The following SDHB variants were observed in gnomAD, a reference collection of about 807,000 sequenced individuals.
The protein encoded by SDHB is succinate dehydrogenase [ubiquinone] iron-sulfur subunit, mitochondrial.
In SDHB, 21 loss-of-function variants were observed where a neutral mutation model predicts 39.7. The observed-to-expected ratio is 0.53, with a 90% CI of 0.37 to 0.76. SDHB has a LOEUF of 0.76. SDHB is among the 30% of genes least tolerant of loss of function. SDHB has a pLI of 0.00. For missense variants in SDHB, 343 were observed against 350.9 expected (o/e 0.98, Z 0.18); for synonymous variants, 118 against 117.0 (o/e 1.01, Z -0.06).
chr1:17,018,771 A>G lies in SDHB; in HGVS notation c.*110T>C, dbSNP rs201950006. 3.1e-5 allele frequency: 23 copies of G among 747,328 alleles called. No homozygotes were observed. The highest frequency in any genetic ancestry group is 5.4e-5 in the Non-Finnish European group (23 of 429,312). 46.3% of individuals were successfully genotyped at this position (747,328 alleles called of 1,614,324 possible). A position where few individuals can be genotyped will look rare whatever the true frequency, so the allele number is the denominator to read the frequency against. On this transcript the variant is annotated 3_prime_UTR_variant, in exon 8 of 8. Transcript: ENST00000375499. ...ATAACATTTATTTCTTAAAATTTTT[A>G]TTATACATGCTGTATTCATGGAAAA...
intron 2 of SDHB, among the ~76,000 whole-genome samples, chr1:17,034,449 C>T (rs1446415366): frequency 1.3e-5 from 2 of 152,066 alleles, no homozygotes; most frequent in Non-Finnish European, 2.9e-5. Flanking sequence ...GGTGCGATCT[C>T]GGCTCACTGC....
chr1:17,046,928 G>A (rs961484659), intron 1 of SDHB, among the ~76,000 whole-genome samples: 4 of 152,114 alleles, frequency 2.6e-5, no homozygotes, highest in Non-Finnish European at 4.4e-5. Flanking sequence ...TGTTGGTCAG[G>A]GTAGTCTCAA....
chr1:17,034,044 T>C (rs2078036660), intron 2 of SDHB, among the ~76,000 whole-genome samples: 1 of 152,232 alleles, frequency 6.6e-6, no homozygotes, highest in African/African-American at 2.4e-5. Flanking sequence ...CAAATCTATT[T>C]TCTGGTTGCC....
chr1:17,019,240 C>T (rs1038354235), intron 7 of SDHB, among the ~76,000 whole-genome samples: 58 of 152,186 alleles, frequency 3.8e-4, no homozygotes, highest in African/African-American at 1.3e-3. Flanking sequence ...CAGAGGTGCA[C>T]TCTCTGACTG....
intron 5 of SDHB, 109 bp from the exon 6 acceptor site, chr1:17,024,183 T>C (rs919018076): frequency 3.3e-5 from 25 of 755,820 alleles, no homozygotes; most frequent in Non-Finnish European, 5.1e-5. Context: ...AAGTGCCTAC[T>C]TGCATGTGAA....
At chr1:17,026,662 C>T (rs767339094) in intron 5 of SDHB, among the ~76,000 whole-genome samples, 3 of 152,102 alleles carry the variant, frequency 2.0e-5, no homozygotes, top group Non-Finnish European at 4.4e-5. Context: ...TGCACCTGGC[C>T]GGACTCCCCT....
chr1:17,036,592 G>A (rs956546771), intron 2 of SDHB, among the ~76,000 whole-genome samples: 1 of 151,070 alleles, frequency 6.6e-6, no homozygotes, highest in African/African-American at 2.4e-5. Flanking sequence ...TTTTAGGATT[G>A]TTCATTGCTA....
rs200305451 is a variant in SDHB at position 17,033,044 on chromosome 1, G to A, written c.286+16C>T. ...GACCACAAGTATCTGGAGCCCAACA[G>A]GAATGAAATGCTCACCTTCTCTGCA... is the stretch of plus-strand genomic sequence containing the variant. On this transcript the variant is annotated intron_variant, in intron 3 of 7. Transcript: ENST00000375499. 1.2e-5 allele frequency: 20 copies of A among 1,600,658 alleles called. No individual in the cohort carries two copies. The highest frequency in any genetic ancestry group is 1.7e-5 in the Admixed American group (1 of 59,932).
intron 2 of SDHB, among the ~76,000 whole-genome samples, chr1:17,036,615 C>T (rs2078051308): frequency 6.7e-6 from 1 of 150,106 alleles, no homozygotes; most frequent in South Asian, 2.1e-4. Context: ...GTATAGAAAT[C>T]CAATTTTTGT....
At chr1:17,036,811 C>A (rs1458939303) in intron 2 of SDHB, among the ~76,000 whole-genome samples, 1 of 145,728 alleles carries the variant, frequency 6.9e-6, no homozygotes, top group Non-Finnish European at 1.5e-5. Flanking sequence ...TATGTATACA[C>A]ACACACACAC....
Position 17,022,682 on chromosome 1 carries a change from G to A in SDHB, c.691C>T (p.Leu231=). 6.2e-7 allele frequency: 1 copy of A among 1,613,998 alleles called. No individual in the cohort carries two copies. The highest frequency in any genetic ancestry group is 8.5e-7 in the Non-Finnish European group (1 of 1,179,914). Residue 231 remains leucine, a synonymous_variant, in exon 7 of 8, where the codon CTG becomes TTG. Coordinates refer to ENST00000375499, the MANE Select transcript of SDHB (RefSeq NM_003000.3). ...GAGAATGGGTCCTGCAGCTTGGCCA[G>A]GCGCTCCTCTGTGAAGTCATCTCTG... is the stretch of plus-strand genomic sequence containing the variant. The part of the protein sequence containing the change: ...DSRDDFTEER[L]AKLQDPFSLY...
chr1:17,019,879 C>A (rs570017654), intron 7 of SDHB, among the ~76,000 whole-genome samples: 1 of 152,088 alleles, frequency 6.6e-6, no homozygotes, highest in Non-Finnish European at 1.5e-5. Flanking sequence ...ACTACAGGTG[C>A]GTGCCACCAC....
At chr1:17,020,132 T>G (rs928176921) in intron 7 of SDHB, among the ~76,000 whole-genome samples, 1 of 152,086 alleles carries the variant, frequency 6.6e-6, no homozygotes, top group African/African-American at 2.4e-5. Flanking sequence ...CTGGGTGGAG[T>G]GGGAGGGAGA....
chr1:17,035,688 G>A (rs903728393), intron 2 of SDHB, among the ~76,000 whole-genome samples: 9 of 151,890 alleles, frequency 5.9e-5, no homozygotes, highest in African/African-American at 1.9e-4. Flanking sequence ...TGGTGAAACC[G>A]TCTCTACTAA....
intron 5 of SDHB, among the ~76,000 whole-genome samples, chr1:17,024,599 C>T (rs768753525): frequency 3.3e-5 from 5 of 152,182 alleles, no homozygotes; most frequent in Non-Finnish European, 5.9e-5. Flanking sequence ...CACAGTAATC[C>T]TGTGAGGTGA....
chr1:17,027,672 C>T, intron 5 of SDHB, 77 bp downstream of exon 5: 2 of 925,638 alleles, frequency 2.2e-6, no homozygotes, highest in East Asian at 2.4e-5. Context: ...AGCTTATGTT[C>T]CCTGCCAAGC....
chr1:17,022,902 G>A (rs1337602293), intron 6 of SDHB, 172 bp from the exon 7 acceptor site: 4 of 795,646 alleles, frequency 5.0e-6, no homozygotes, highest in Non-Finnish European at 8.1e-6. Context: ...CCCAACACTT[G>A]TAGCTTCACT....
At chr1:17,041,649 G>A (rs1367221427) in intron 2 of SDHB, among the ~76,000 whole-genome samples, 2 of 151,788 alleles carry the variant, frequency 1.3e-5, no homozygotes, top group Non-Finnish European at 2.9e-5. Flanking sequence ...GTGACAGAGT[G>A]AAACTCAGAC....
chr1:17,038,369 C>T (rs1206766176), intron 2 of SDHB, among the ~76,000 whole-genome samples: 5 of 152,136 alleles, frequency 3.3e-5, no homozygotes, highest in Admixed American at 6.6e-5. Context: ...TATCTGTAGC[C>T]ATTGAAATAC....
Sources: gnomAD v4.1 joint callset for allele counts (sites outside exome capture counted in the v4.1 genomes callset) on GRCh38, gnomAD v4.1.1 for gene constraint, MANE v1.5 for transcripts, NCBI Gene and HGNC (gene_info 2026-07-23, HGNC 2026-07-21) for gene names.